The following CCDC158 variants were observed in gnomAD, a reference collection of about 807,000 sequenced individuals.
CCDC158 encodes coiled-coil domain-containing protein 158.
CCDC158 carries 116 observed loss-of-function variants against 138.6 expected under a neutral mutation model. That is an observed-to-expected ratio of 0.84 (90% CI 0.72 to 0.98). The LOEUF is 0.98. CCDC158 is among the 50% of genes least tolerant of loss of function. The pLI is 0.00. For missense variants in CCDC158, 1,265 were observed against 1,306.1 expected (o/e 0.97, Z 0.48); for synonymous variants, 436 against 442.4 (o/e 0.99, Z 0.18).
At position 76,334,034 on chromosome 4, in the gene CCDC158, G is replaced by A. The variant is rs772489421; in HGVS notation, c.2798C>T (p.Ser933Phe). Residue 933 changes from serine (S) to phenylalanine (F), a missense_variant, in exon 19 of 25, where the codon TCT becomes TTT. Transcript: ENST00000682701. ...LSKTEEDGRT[S>F]LGALYVAVED... ...CACAGCCACATACAAGGCTCCCAGA[G>A]ATGTTCTTCCATCTTCCTCTGTCTT... 1 of 1,612,908 alleles carries A rather than the reference G, an allele frequency of 6.2e-7. No individual in the cohort carries two copies. The highest frequency in any genetic ancestry group is 1.7e-5 in the Admixed American group (1 of 59,918).
chr4:76,376,508 C>T (rs569914321), intron 9 of CCDC158, among the ~76,000 whole-genome samples: 20 of 152,016 alleles, frequency 1.3e-4, no homozygotes, highest in Non-Finnish European at 2.2e-4. Flanking sequence ...TTTAGCAATG[C>T]CAAGTCATAT....
chr4:76,417,097 A>C (rs6826733), intron 1 of CCDC158, among the ~76,000 whole-genome samples: 8,218 of 152,278 alleles, frequency 0.054, 365 homozygotes, highest in South Asian at 0.17. Context: ...GACCATGGGA[A>C]CCCATCTCTC....
Position 76,323,301 on chromosome 4 carries a change from C to A in CCDC158, c.3277+1G>T. The A allele has an allele frequency of 1.9e-6, 3 of 1,604,870 alleles. No individual in the cohort carries two copies. The highest frequency in any genetic ancestry group is 8.5e-7 in the Non-Finnish European group (1 of 1,173,302). The stretch of plus-strand genomic sequence containing the variant: ...GATCTCTCCAAAAACGTACACTGTA[C>A]CTTGGTTCTTCAGCTGTAAATCTTC... On this transcript the variant is annotated splice_donor_variant, in intron 24 of 24. Coordinates refer to ENST00000682701, the MANE Select transcript of CCDC158 (RefSeq NM_001394954.1). LOFTEE classifies it high-confidence loss of function.
chr4:76,401,638 G>C (rs1167494316), intron 3 of CCDC158: 1 of 159,790 alleles, frequency 6.3e-6, no homozygotes, highest in African/African-American at 2.4e-5. Flanking sequence ...AAAGACAGGA[G>C]GTTGAATTTC....
chr4:76,319,427 C>T (rs549001274), intron 24 of CCDC158, among the ~76,000 whole-genome samples: 122 of 51,134 alleles, frequency 2.4e-3, no homozygotes, highest in Admixed American at 7.2e-3. Flanking sequence ...AGCAAGACTC[C>T]GTATCAAAAA....
At chr4:76,341,320 G>A (rs771246842) in intron 18 of CCDC158, among the ~76,000 whole-genome samples, 6 of 152,128 alleles carry the variant, frequency 3.9e-5, no homozygotes, top group South Asian at 2.1e-4. Flanking sequence ...AAAAATAACA[G>A]CTTGATCTCA....
chr4:76,330,291 T>A (rs756699647), intron 21 of CCDC158, among the ~76,000 whole-genome samples: 30 of 152,308 alleles, frequency 2.0e-4, no homozygotes, highest in Non-Finnish European at 4.3e-4. Flanking sequence ...CAAGTTGCTA[T>A]GCAATCTGAG....
intron 24 of CCDC158, among the ~76,000 whole-genome samples, chr4:76,315,838 C>T (rs1719332263): frequency 6.6e-6 from 1 of 152,138 alleles, no homozygotes; most frequent in Admixed American, 6.5e-5. Context: ...GTCTGGTAGC[C>T]CTACTGAGTG....
At position 76,313,171 on chromosome 4, in the gene CCDC158, C is replaced by T. The variant is rs1232632337; in HGVS notation, c.3353G>A (p.Ter1118=). The change falls in exon 25 of 25, where the codon TGA becomes TAA. Residue 1118 remains the stop codon, a stop_retained_variant. Coordinates refer to ENST00000682701, the MANE Select transcript of CCDC158 (RefSeq NM_001394954.1). ...TGTAAAGAATAGGCAAGCAACGAGT[C>T]ATTTTAGTAACATTTTTTCCTGGTC... is the stretch of plus-strand genomic sequence containing the variant. ...VKDQEKMLLK[*] is the part of the protein sequence containing the mutation. 3.1e-6 allele frequency: 5 copies of T among 1,596,066 alleles called. No homozygotes were observed. The highest frequency in any genetic ancestry group is 2.6e-6 in the Non-Finnish European group (3 of 1,167,896).
Position 76,396,283 on chromosome 4 carries a change from T to C in CCDC158, c.274A>G (p.Arg92Gly). Reference sequence around the variant, plus strand: ...AGGCAACTCACTTCATTTAGTCTTCTCTGTAAATCTTTGACTTGATGTGAA... The same window carrying C: ...AGGCAACTCACTTCATTTAGTCTTCCCTGTAAATCTTTGACTTGATGTGAA... Reference protein sequence around the residue: ...EYSHQVKDLQRRLNESNELHE... With the variant: ...EYSHQVKDLQGRLNESNELHE... The change falls in exon 4 of 25, where the codon AGA becomes GGA. Residue 92 changes from arginine (R) to glycine (G), a missense_variant. Coordinates refer to ENST00000682701, the MANE Select transcript of CCDC158 (RefSeq NM_001394954.1). 2 of 1,611,846 alleles carry C rather than the reference T, an allele frequency of 1.2e-6. No individual in the cohort carries two copies. The highest frequency in any genetic ancestry group is 1.7e-6 in the Non-Finnish European group (2 of 1,178,836).
chr4:76,421,520 A>G (rs1730127380), upstream of CCDC158, among the ~76,000 whole-genome samples: 1 of 151,648 alleles, frequency 6.6e-6, no homozygotes, highest in Admixed American at 6.6e-5. Context: ...CCCCCACCCG[A>G]GCGCCTCGGG....
At chr4:76,325,492 A>G (rs955458173) in intron 23 of CCDC158, among the ~76,000 whole-genome samples, 9 of 152,218 alleles carry the variant, frequency 5.9e-5, no homozygotes, top group Non-Finnish European at 1.3e-4. Context: ...ATGCACTTAT[A>G]CTCACTAAGG....
At chr4:76,334,830 T>C (rs1253436309) in intron 18 of CCDC158, among the ~76,000 whole-genome samples, 1 of 152,054 alleles carries the variant, frequency 6.6e-6, no homozygotes, top group Non-Finnish European at 1.5e-5. Context: ...GCTGAAGGAG[T>C]CCATCCCACT....
intron 9 of CCDC158, among the ~76,000 whole-genome samples, chr4:76,378,483 AC>A (rs1725923427): frequency 6.6e-6 from 1 of 152,132 alleles, no homozygotes; most frequent in Non-Finnish European, 1.5e-5. Flanking sequence ...CTAAATATAG[AC>A]TTTATCTTCC....
chr4:76,357,258 T>G (rs4241592), intron 14 of CCDC158, 116 bp downstream of exon 14: 2 of 556,724 alleles, frequency 3.6e-6, no homozygotes, highest in Non-Finnish European at 5.8e-6. Context: ...GTATATTTCT[T>G]ACATCATTTA....
Position 76,420,316 on chromosome 4 carries a change from T to C in CCDC158, c.-117+649A>G, listed in dbSNP as rs148409031. 1.1e-4 allele frequency among the ~76,000 whole-genome samples: 16 copies of C among 152,200 alleles called. No individual in the cohort carries two copies. In the East Asian group the frequency reaches 2.7e-3, roughly 26 times the overall value. On this transcript the variant is annotated intron_variant, in intron 1 of 24. Transcript: ENST00000682701. ...TGCTGAGAGAAGCAGCAAGAACTGGTTGCCAGTCAAAAAACCTGGGCAACA... is the reference window on the plus strand; with the variant it reads ...TGCTGAGAGAAGCAGCAAGAACTGGCTGCCAGTCAAAAAACCTGGGCAACA...
At chr4:76,332,964 A>G (rs1243026174) in intron 19 of CCDC158, among the ~76,000 whole-genome samples, 1 of 152,190 alleles carries the variant, frequency 6.6e-6, no homozygotes, top group Non-Finnish European at 1.5e-5. Flanking sequence ...GCCTAAGTTT[A>G]CAAATCTGTC....
At chr4:76,322,542 T>C (rs910988170) in intron 24 of CCDC158, among the ~76,000 whole-genome samples, 1 of 152,252 alleles carries the variant, frequency 6.6e-6, no homozygotes, top group Non-Finnish European at 1.5e-5. Context: ...TTATTATTAA[T>C]AAGGTTAAGT....
chr4:76,419,108 T>TA (rs1729917178), intron 1 of CCDC158, among the ~76,000 whole-genome samples: 1 of 152,320 alleles, frequency 6.6e-6, no homozygotes, highest in Non-Finnish European at 1.5e-5. Flanking sequence ...TGCCACTTTT[T>TA]ACCTTTATTC....
Sources: allele counts gnomAD v4.1 joint callset (sites outside exome capture counted in the v4.1 genomes callset), GRCh38; gene constraint gnomAD v4.1.1; transcripts MANE v1.5; gene names NCBI Gene and HGNC (gene_info 2026-07-23, HGNC 2026-07-21).